FYCO1: variants seen among roughly 807,000 people sequenced by gnomAD.
The protein encoded by FYCO1 is FYVE and coiled-coil domain-containing protein 1.
A neutral mutation model predicts 165.1 loss-of-function variants in FYCO1; 122 were observed. That is an observed-to-expected ratio of 0.74 (90% CI 0.64 to 0.86). The LOEUF (loss-of-function observed/expected upper bound fraction) is 0.86, where lower values mean the gene tolerates loss of function less well. Ranked by LOEUF, FYCO1 falls within the 40% of genes least tolerant of loss-of-function variation. The pLI is 0.00. For missense variants in FYCO1, 1,702 were observed against 1,810.3 expected (o/e 0.94, Z 1.09); for synonymous variants, 648 against 742.5 (o/e 0.87, Z 2.07).
rs1255916035 is a variant in FYCO1 at position 45,955,373 on chromosome 3, G to T, written c.3820C>A (p.Pro1274Thr). The change falls in exon 14 of 18, where the codon CCA becomes ACA. Residue 1274 changes from proline (P) to threonine (T), a missense_variant. Pro to Thr is a conservative substitution (Grantham distance 38, BLOSUM62 -1). Transcript: ENST00000296137. ...GGQGANTDYR[P>T]PDDAVFDIIT... ...ATATCAAACACAGCGTCGTCCGGTGGCCTGTAGTCTGTATTTGCTCCTGGG... is the reference window on the plus strand; with the variant it reads ...ATATCAAACACAGCGTCGTCCGGTGTCCTGTAGTCTGTATTTGCTCCTGGG... 5 of 1,614,104 alleles carry T rather than the reference G, an allele frequency of 3.1e-6. No individual in the cohort carries two copies. The highest frequency in any genetic ancestry group is 4.2e-6 in the Non-Finnish European group (5 of 1,180,048).
chr3:45,990,833 G>A lies in FYCO1; in HGVS notation c.-113+4889C>T, dbSNP rs540452627. 1.1e-4 allele frequency among the ~76,000 whole-genome samples: 16 copies of A among 152,206 alleles called. 1 individual carries two copies. In the South Asian group the frequency reaches 1.7e-3, roughly 16 times the overall value. ...TGTCGCCAGGCTGGAGTGCAGTGGC[G>A]CGATCTCAGCTCACTGCAACCTCCC... On this transcript the variant is annotated intron_variant, in intron 1 of 17. Transcript: ENST00000296137.
intron 5 of FYCO1, among the ~76,000 whole-genome samples, chr3:45,973,901 A>C (rs762681324): frequency 6.6e-6 from 1 of 151,676 alleles, no homozygotes; most frequent in African/African-American, 2.4e-5. Context: ...CTACCAAAAA[A>C]ACACAAAAAA....
At chr3:45,948,280 T>G (rs1704767294) in intron 14 of FYCO1, 1 of 166,894 alleles carries the variant, frequency 6.0e-6, no homozygotes, top group African/African-American at 2.4e-5. Flanking sequence ...CCCACACACA[T>G]ACACACATAT....
In FYCO1 at chr3:45,931,236, C is replaced by T. The variant is rs137986696; in HGVS notation, c.4086G>A (p.Glu1362=). The part of the protein sequence containing the change: ...LTVDEIASFG[E]GSRELFVRSS... ...ACCTCACAAACAGCTCCCTGCTACCCTCCCCGAAGCTGGCGATCTCATCCA... is the reference window on the plus strand; with the variant it reads ...ACCTCACAAACAGCTCCCTGCTACCTTCCCCGAAGCTGGCGATCTCATCCA... The change falls in exon 16 of 18, where the codon GAG becomes GAA. Residue 1362 remains glutamate (E), a synonymous_variant. Transcript: ENST00000296137. 2.8e-3 allele frequency: 4,576 copies of T among 1,613,968 alleles called. 193 individuals are homozygous for T. In the Admixed American group the frequency reaches 0.071, roughly 25 times the overall value.
Position 45,967,434 on chromosome 3 carries a change from G to A in FYCO1, c.1900C>T (p.Leu634Phe). ...AGGGCTTGCAGCTTGCCCTCCAGGA[G>A]CTGGTTACGCCCGACCACATTCTGT... Reference protein sequence around the residue: ...ELQNVVGRNQLLEGKLQALQA... With the variant: ...ELQNVVGRNQFLEGKLQALQA... The change falls in exon 8 of 18, where the codon CTC becomes TTC. Residue 634 changes from leucine to phenylalanine, a missense_variant. Coordinates refer to ENST00000296137, the MANE Select transcript of FYCO1 (RefSeq NM_024513.4). The A allele has an allele frequency of 6.2e-7, 1 of 1,613,378 alleles. No homozygotes were observed. The highest frequency in any genetic ancestry group is 8.5e-7 in the Non-Finnish European group (1 of 1,179,866).
At chr3:45,979,562 A>C in intron 4 of FYCO1, 143 bp downstream of exon 4, 1 of 955,026 alleles carries the variant, frequency 1.0e-6, no homozygotes, top group Non-Finnish European at 1.7e-6. Context: ...AACAATGGGC[A>C]TTGCGTATAC....
intron 13 of FYCO1, among the ~76,000 whole-genome samples, chr3:45,956,204 C>T (rs770845687): frequency 2.0e-5 from 3 of 151,892 alleles, no homozygotes; most frequent in African/African-American, 2.4e-5. Context: ...GGTGTGGTGG[C>T]GGGCACCTGT....
intron 1 of FYCO1, among the ~76,000 whole-genome samples, chr3:45,994,344 AT>A (rs1219929430): frequency 3.9e-5 from 6 of 152,254 alleles, no homozygotes; most frequent in African/African-American, 1.4e-4. Flanking sequence ...TAAAAAGTAA[AT>A]GAAGTGCTAC....
At chr3:45,950,953 G>A (rs58050797) in intron 14 of FYCO1, among the ~76,000 whole-genome samples, 13,241 of 152,156 alleles carry the variant, frequency 0.087, 1,991 homozygotes, top group African/African-American at 0.3. Context: ...ATCTCCTGGT[G>A]GGTGACAAAT....
chr3:45,947,551 G>A, intron 14 of FYCO1: 2 of 1,518,102 alleles, frequency 1.3e-6, no homozygotes, highest in South Asian at 2.3e-5. Flanking sequence ...GAATTTGCAA[G>A]TCATGGCTGT....
In FYCO1 at chr3:45,921,769, A is replaced by C; in HGVS notation, c.4433T>G (p.Leu1478Arg). ...RPVIYDGSDF[L>R] ...GAAGTTACTGAGGTGCTGAAGCTAC[A>C]GGAAATCACTTCCATCGTAGATCAC... Residue 1478 changes from leucine to arginine, a missense_variant, in exon 18 of 18, where the codon CTG becomes CGG. Coordinates refer to ENST00000296137, the MANE Select transcript of FYCO1 (RefSeq NM_024513.4). The C allele has an allele frequency of 6.2e-7, 1 of 1,602,770 alleles. No individual in the cohort carries two copies. The highest frequency in any genetic ancestry group is 1.1e-5 in the South Asian group (1 of 90,818).
chr3:45,966,497 C>G lies in FYCO1; in HGVS notation c.2837G>C (p.Gly946Ala). The change falls in exon 8 of 18, where the codon GGC becomes GCC. Residue 946 changes from glycine to alanine, a missense_variant. Gly to Ala is a moderately conservative substitution (Grantham distance 60). Transcript: ENST00000296137. ...AKEAASRERE[G>A]LERQVAGLQQ... ...CAGCCCAGCTACTTGGCGCTCCAGG[C>G]CCTCTCGCTCCCTTGAGGCTGCCTC... 1.9e-6 allele frequency: 3 copies of G among 1,611,524 alleles called. No homozygotes were observed. The highest frequency in any genetic ancestry group is 2.5e-6 in the Non-Finnish European group (3 of 1,177,884).
Position 45,990,544 on chromosome 3 carries a change from T to C in FYCO1, c.-113+5178A>G, listed in dbSNP as rs574859968. ...CTGGGGCCATTTGTCACAATGGTAA[T>C]TTTTTGTTGAATCTCTATTCTTTCC... is the stretch of plus-strand genomic sequence containing the variant. On this transcript the variant is annotated intron_variant, in intron 1 of 17. Coordinates refer to ENST00000296137, the MANE Select transcript of FYCO1 (RefSeq NM_024513.4). 1.1e-3 allele frequency among the ~76,000 whole-genome samples: 174 copies of C among 152,316 alleles called. 2 individuals are homozygous for C. Among genetic ancestry groups the C allele is most frequent in the South Asian group, 8.5e-3 (41 of 4,828 alleles).
chr3:45,977,157 A>G (rs1706801479), intron 4 of FYCO1, among the ~76,000 whole-genome samples: 1 of 152,034 alleles, frequency 6.6e-6, no homozygotes, highest in Admixed American at 6.5e-5. Context: ...AAGCATGTCA[A>G]TTATACAAAC....
chr3:45,960,531 T>C (rs1188329168), intron 11 of FYCO1, among the ~76,000 whole-genome samples: 1 of 152,244 alleles, frequency 6.6e-6, no homozygotes, highest in Non-Finnish European at 1.5e-5. Context: ...GAATGTGGAA[T>C]GCTGCCAGGA....
intron 3 of FYCO1, among the ~76,000 whole-genome samples, chr3:45,981,262 G>T (rs1466717011): frequency 1.3e-5 from 2 of 152,198 alleles, no homozygotes; most frequent in Non-Finnish European, 2.9e-5. Context: ...TCCCAAAGGG[G>T]TATGTAACTG....
At chr3:45,969,834 T>C in intron 6 of FYCO1, 69 bp from the exon 7 acceptor site, 1 of 1,323,800 alleles carries the variant, frequency 7.6e-7, no homozygotes, top group Middle Eastern at 1.9e-4. Context: ...GCCTTGCTGG[T>C]CACTAGGCAA....
chr3:45,961,902 C>T (rs1254090396), intron 11 of FYCO1, among the ~76,000 whole-genome samples: 1 of 152,192 alleles, frequency 6.6e-6, no homozygotes, highest in Non-Finnish European at 1.5e-5. Context: ...TCCAGGTTTC[C>T]ACCTTCTCTC....
At chr3:45,934,967 T>C (rs1482578838) in intron 15 of FYCO1, among the ~76,000 whole-genome samples, 2 of 152,236 alleles carry the variant, frequency 1.3e-5, no homozygotes, top group African/African-American at 4.8e-5. Context: ...TGACACTTCA[T>C]ACTCCCCCAG....
Sources: allele counts gnomAD v4.1 joint callset (sites outside exome capture counted in the v4.1 genomes callset), GRCh38; gene constraint gnomAD v4.1.1; transcripts MANE v1.5; gene names NCBI Gene and HGNC (gene_info 2026-07-23, HGNC 2026-07-21).